Variants in CNTLN observed in about 807,000 individuals in gnomAD.
CNTLN encodes centlein, centrosomal protein.
A neutral mutation model predicts 180.0 loss-of-function variants in CNTLN; 212 were observed. The ratio of observed to expected loss-of-function variants is 1.18; its 90% CI spans 1.05 to 1.32. The LOEUF is 1.32. Among genes scored for constraint, CNTLN ranks in the 40% most tolerant of loss-of-function variants. The pLI is 0.00. For synonymous variants in CNTLN, 722 were observed against 563.1 expected (o/e 1.28, Z -3.99); for missense variants, 2,095 against 1,610.9 (o/e 1.30, Z -5.14).
chr9:17,397,196 G>A (rs1826601300), intron 15 of CNTLN, among the ~76,000 whole-genome samples: 1 of 152,014 alleles, frequency 6.6e-6, no homozygotes, highest in Admixed American at 6.6e-5. Context: ...TCCAGAAAGA[G>A]GTCCCAATTC....
intron 2 of CNTLN, among the ~76,000 whole-genome samples, chr9:17,163,927 G>T (rs564241671): frequency 4.6e-5 from 7 of 152,058 alleles, no homozygotes; most frequent in Admixed American, 2.6e-4. Flanking sequence ...GCTGAGGTGG[G>T]AGGATAGCTT....
intron 18 of CNTLN, among the ~76,000 whole-genome samples, chr9:17,455,948 C>T (rs1831088506): frequency 1.3e-5 from 2 of 152,024 alleles, no homozygotes; most frequent in Admixed American, 6.6e-5. Context: ...CTATGAAGGG[C>T]TTTGATTAAG....
chr9:17,477,801 A>C (rs1008393254), intron 23 of CNTLN, among the ~76,000 whole-genome samples: 7 of 152,366 alleles, frequency 4.6e-5, no homozygotes, highest in African/African-American at 1.4e-4. Context: ...ATGACAACAA[A>C]AGTTTTAGAA....
intron 23 of CNTLN, among the ~76,000 whole-genome samples, chr9:17,474,418 G>A (rs1832217232): frequency 6.6e-6 from 1 of 151,986 alleles, no homozygotes; most frequent in South Asian, 2.1e-4. Context: ...TTCAAATCGT[G>A]TCTGCTCCTG....
intron 3 of CNTLN, among the ~76,000 whole-genome samples, chr9:17,231,900 T>C (rs1005872646): frequency 1.3e-5 from 2 of 151,950 alleles, no homozygotes; most frequent in African/African-American, 4.8e-5. Context: ...TTATTTGAAT[T>C]ATTCATTCAT....
At position 17,190,189 on chromosome 9, in the gene CNTLN, C is replaced by T. The variant is rs969045767; in HGVS notation, c.450-36014C>T. Among the ~76,000 whole-genome samples the T allele has an allele frequency of 2.0e-5, 3 of 149,578 alleles. No homozygotes were observed. In the South Asian group the frequency reaches 6.5e-4, roughly 32 times the overall value. ...CCGGGGGCAATCATAGAACTTACTT[C>T]ATTAGTTACCTTTCTTCAGGGATCA... On this transcript the variant is annotated intron_variant, in intron 2 of 25. Coordinates refer to ENST00000380647, the MANE Select transcript of CNTLN (RefSeq NM_017738.4).
Position 17,217,956 on chromosome 9 carries a change from T to C in CNTLN, c.450-8247T>C, listed in dbSNP as rs527498405. 1.2e-4 allele frequency among the ~76,000 whole-genome samples: 19 copies of C among 152,274 alleles called. No individual in the cohort carries two copies. In the South Asian group the frequency reaches 3.7e-3, roughly 30 times the overall value. On this transcript the variant is annotated intron_variant, in intron 2 of 25. Coordinates refer to ENST00000380647, the MANE Select transcript of CNTLN (RefSeq NM_017738.4). ...TGATCTTATTTAATACTATATTTAATATAAGCAGATGTGTTCTTTTGAATT... is the reference window on the plus strand; with the variant it reads ...TGATCTTATTTAATACTATATTTAACATAAGCAGATGTGTTCTTTTGAATT...
chr9:17,512,978 A>G, the CNTLN span, among the ~76,000 whole-genome samples: 57 of 151,968 alleles, frequency 3.8e-4, no homozygotes, highest in East Asian at 7.8e-4. Flanking sequence ...CACTATGCCC[A>G]GCTAATTTTT....
chr9:17,286,733 G>T (rs1444328525), intron 6 of CNTLN, among the ~76,000 whole-genome samples: 5 of 110,188 alleles, frequency 4.5e-5, no homozygotes, highest in African/African-American at 8.6e-5. Context: ...TCCCTTGTAA[G>T]TTGGATTCCT....
chr9:17,251,876 T>A (rs1826164609), intron 5 of CNTLN, among the ~76,000 whole-genome samples: 2 of 151,844 alleles, frequency 1.3e-5, no homozygotes, highest in African/African-American at 2.4e-5. Context: ...AACCAACCTT[T>A]ATACATTCCC....
At chr9:17,486,466 A>G (rs1010232693) in intron 24 of CNTLN, among the ~76,000 whole-genome samples, 2 of 152,238 alleles carry the variant, frequency 1.3e-5, no homozygotes, top group African/African-American at 4.8e-5. Context: ...TTTGTGACCT[A>G]TAGCACTTTA....
chr9:17,146,541 A>T (rs1818469919), intron 2 of CNTLN, among the ~76,000 whole-genome samples: 1 of 152,168 alleles, frequency 6.6e-6, no homozygotes, highest in Non-Finnish European at 1.5e-5. Context: ...AAGGGGTTTA[A>T]GGAGCCTCCC....
chr9:17,199,203 CT>C lies in CNTLN; in HGVS notation c.450-26974del, dbSNP rs763632027. 9.2e-3 allele frequency among the ~76,000 whole-genome samples: 678 copies of C among 73,774 alleles called. 4 individuals carry two copies. Among genetic ancestry groups the C allele is most frequent in the African/African-American group, 0.015 (314 of 21,336 alleles). The allele number at this position is 73,774 out of a possible 152,430, so 48.4% of individuals were successfully genotyped here. ...CTCGCCAGCATCTGTTGTTTCTTGA[CT>C]TTTTTTTTTTTTTTTTTTTTTTTTT... is the stretch of plus-strand genomic sequence containing the variant. On this transcript the variant is annotated intron_variant, in intron 2 of 25. Transcript: ENST00000380647.
At position 17,234,683 on chromosome 9, in the gene CNTLN, A is replaced by G. The variant is rs534656228; in HGVS notation, c.535-975A>G. Reference sequence around the variant, plus strand: ...GTCAACTGAGCATATTACTTAAAAAAAAAAGGTGTTTCTATCTTGATGTGT... The same window carrying G: ...GTCAACTGAGCATATTACTTAAAAAGAAAAGGTGTTTCTATCTTGATGTGT... On this transcript the variant is annotated intron_variant, in intron 3 of 25. Coordinates refer to ENST00000380647, the MANE Select transcript of CNTLN (RefSeq NM_017738.4). 3.0e-4 allele frequency among the ~76,000 whole-genome samples: 45 copies of G among 152,260 alleles called. 1 individual carries two copies. The highest frequency in any genetic ancestry group is 1.1e-3 in the African/African-American group (44 of 41,556).
intron 2 of CNTLN, among the ~76,000 whole-genome samples, chr9:17,209,361 T>C (rs1215978103): frequency 6.6e-6 from 1 of 152,204 alleles, no homozygotes; most frequent in Admixed American, 6.6e-5. Flanking sequence ...TAATGATCCA[T>C]GTGCTGAGGA....
intron 23 of CNTLN, among the ~76,000 whole-genome samples, chr9:17,478,906 T>C (rs1054398562): frequency 2.0e-5 from 3 of 152,236 alleles, no homozygotes; most frequent in South Asian, 2.1e-4. Flanking sequence ...TTAAGGACTT[T>C]AATACAGACT....
chr9:17,366,862 A>T lies in CNTLN; in HGVS notation c.1987+145A>T. 1.7e-5 allele frequency: 9 copies of T among 531,814 alleles called. No individual in the cohort carries two copies. In the South Asian group the frequency reaches 1.7e-4, roughly 10 times the overall value. The allele number at this position is 531,814 out of a possible 1,614,324, so 32.9% of individuals were successfully genotyped here. On this transcript the variant is annotated intron_variant, in intron 13 of 25. Coordinates refer to ENST00000380647, the MANE Select transcript of CNTLN (RefSeq NM_017738.4). ...TCATTGATAACTCACTAACATTTTC[A>T]TCCTGAGAAAATTAAATAAATAGAA...
chr9:17,466,172 T>C, intron 22 of CNTLN, 54 bp downstream of exon 22: 2 of 1,501,816 alleles, frequency 1.3e-6, no homozygotes, highest in South Asian at 2.4e-5. Context: ...ATCGTGTTTG[T>C]TTCATTTTTA....
chr9:17,385,596 A>G (rs2133632729), intron 13 of CNTLN, among the ~76,000 whole-genome samples: 1 of 152,272 alleles, frequency 6.6e-6, no homozygotes, highest in Middle Eastern at 3.4e-3. Context: ...AAATCCAAAT[A>G]CAGTGGACCC....
Sources: allele counts gnomAD v4.1 joint callset (sites outside exome capture counted in the v4.1 genomes callset), GRCh38; gene constraint gnomAD v4.1.1; transcripts MANE v1.5; gene names NCBI Gene and HGNC (gene_info 2026-07-23, HGNC 2026-07-21).